The following ZMYM1 variants were observed in gnomAD, a reference collection of about 807,000 sequenced individuals.
The protein encoded by ZMYM1 is zinc finger MYM-type protein 1.
In ZMYM1, 39 loss-of-function variants were observed where a neutral mutation model predicts 60.0. The ratio of observed to expected loss-of-function variants is 0.65; its 90% CI spans 0.50 to 0.85. ZMYM1 has a LOEUF of 0.85. Among genes scored for constraint, ZMYM1 ranks in the 40% least tolerant of loss-of-function variants. ZMYM1 has a pLI of 0.00. For synonymous variants in ZMYM1, 413 were observed against 454.0 expected (o/e 0.91, Z 1.15); for missense variants, 1,171 against 1,309.5 (o/e 0.89, Z 1.63).
Position 35,115,335 on chromosome 1 carries a change from C to T in ZMYM1, c.*76C>T. On this transcript the variant is annotated 3_prime_UTR_variant, in exon 10 of 10. Transcript: ENST00000359858. ...TTTCATTTCAAAATTGTTCAAAATTCAAAAGACACAGAACGATAAACAGTG... is the reference window on the plus strand; with the variant it reads ...TTTCATTTCAAAATTGTTCAAAATTTAAAAGACACAGAACGATAAACAGTG... 6.9e-7 allele frequency: 1 copy of T among 1,447,386 alleles called. No homozygotes were observed. Among genetic ancestry groups the T allele is most frequent in the South Asian group, 1.4e-5 (1 of 69,984 alleles). 89.7% of individuals were successfully genotyped at this position (1,447,386 alleles called of 1,614,324 possible).
At chr1:35,105,435 C>T (rs1295666813) in intron 6 of ZMYM1, among the ~76,000 whole-genome samples, 1 of 150,576 alleles carries the variant, frequency 6.6e-6, no homozygotes, top group Non-Finnish European at 1.5e-5. Flanking sequence ...CCACACCTGA[C>T]CTTATTTATT....
intron 1 of ZMYM1, among the ~76,000 whole-genome samples, chr1:35,068,537 C>T (rs931429745): frequency 2.7e-5 from 4 of 149,980 alleles, no homozygotes; most frequent in African/African-American, 4.9e-5. Context: ...GAAATGCAGA[C>T]GAATATGGCC....
At chr1:35,074,043 C>A (rs1403064979) in intron 1 of ZMYM1, among the ~76,000 whole-genome samples, 3 of 152,174 alleles carry the variant, frequency 2.0e-5, no homozygotes, top group Non-Finnish European at 4.4e-5. Flanking sequence ...CCACCTTAGC[C>A]TCTCAAAGTG....
At chr1:35,087,159 TTTTTGAATTTTGAGTAGAGATGG>T (rs1374916292) in intron 1 of ZMYM1, among the ~76,000 whole-genome samples, 1 of 151,170 alleles carries the variant, frequency 6.6e-6, no homozygotes, top group Non-Finnish European at 1.5e-5. Context: ...CCTGACTAAT[TTTTTGAATTTTGAGTAGAGATGG>T]GGTTTTACCA....
intron 1 of ZMYM1, among the ~76,000 whole-genome samples, chr1:35,068,841 T>C (rs1232091792): frequency 1.3e-5 from 2 of 152,116 alleles, no homozygotes; most frequent in Non-Finnish European, 1.5e-5. Flanking sequence ...TTTTTTTCTT[T>C]TCTTTTCTTT....
rs1644039869 is a variant in ZMYM1 at position 35,110,220 on chromosome 1, G to A, written c.808-74G>A. The A allele has an allele frequency of 8.9e-6, 10 of 1,118,782 alleles. No homozygotes were observed. The East Asian group carries it at 2.9e-4, about 32-fold the overall frequency. The allele number at this position is 1,118,782 out of a possible 1,614,324, so 69.3% of individuals were successfully genotyped here. ...CTTTTTAATATTCCAACTAAAAGCA[G>A]TGGTAATAGGTTCTTCTTCATTAAC... On this transcript the variant is annotated intron_variant, in intron 6 of 9. Coordinates refer to ENST00000359858, the MANE Select transcript of ZMYM1 (RefSeq NM_024772.5).
At chr1:35,081,567 A>G (rs1642389346) in intron 1 of ZMYM1, among the ~76,000 whole-genome samples, 1 of 152,144 alleles carries the variant, frequency 6.6e-6, no homozygotes, top group South Asian at 2.1e-4. Context: ...TCTCTCAGCA[A>G]TGTTTTGTTT....
At chr1:35,088,454 A>ATGTGTG (rs764350525) in intron 1 of ZMYM1, among the ~76,000 whole-genome samples, 42 of 107,240 alleles carry the variant, frequency 3.9e-4, no homozygotes, top group African/African-American at 1.7e-3. Flanking sequence ...ATATATATAT[A>ATGTGTG]TGTGTGTGTG....
Position 35,080,107 on chromosome 1 carries a change from AAATG to A in ZMYM1, c.-75+668_-75+671del, listed in dbSNP as rs552723115. ...GAGCGAGACCCCGTCTCAAAAAAAA[AAATG>A]AAATGTTTGCTGAACCCCAAAAGCA... is the stretch of plus-strand genomic sequence containing the variant. On this transcript the variant is annotated intron_variant, in intron 1 of 9. Coordinates refer to ENST00000359858, the MANE Select transcript of ZMYM1 (RefSeq NM_024772.5). 4.9e-3 allele frequency among the ~76,000 whole-genome samples: 740 copies of A among 151,960 alleles called. 7 individuals carry two copies. Among genetic ancestry groups the A allele is most frequent in the African/African-American group, 0.017 (708 of 41,428 alleles).
chr1:35,117,087 T>A (rs1201635073), downstream of ZMYM1, among the ~76,000 whole-genome samples: 2 of 149,974 alleles, frequency 1.3e-5, no homozygotes, highest in Non-Finnish European at 3.0e-5. Context: ...CGCCTCGGCC[T>A]CCCAAAGTGC....
At chr1:35,064,381 A>G (rs886594705) in intron 1 of ZMYM1, among the ~76,000 whole-genome samples, 3 of 151,854 alleles carry the variant, frequency 2.0e-5, no homozygotes, top group Non-Finnish European at 4.4e-5. Flanking sequence ...ACTCCTCTCA[A>G]AGTAGTTGAT....
chr1:35,072,163 G>A (rs1346268233), intron 1 of ZMYM1, among the ~76,000 whole-genome samples: 1 of 152,100 alleles, frequency 6.6e-6, no homozygotes, highest in African/African-American at 2.4e-5. Context: ...AAATTCAGCA[G>A]TGAAGCCATT....
intron 1 of ZMYM1, among the ~76,000 whole-genome samples, chr1:35,091,674 C>T (rs1450442209): frequency 6.6e-6 from 1 of 150,838 alleles, no homozygotes; most frequent in Non-Finnish European, 1.5e-5. Context: ...GTGAGAGGAT[C>T]ACTTGAGCCC....
intron 1 of ZMYM1, among the ~76,000 whole-genome samples, chr1:35,091,414 C>T (rs112245863): frequency 0.016 from 2,456 of 152,092 alleles, 24 homozygotes; most frequent in Non-Finnish European, 0.026. Flanking sequence ...GGGGTTTCAC[C>T]GTGTTAGCCA....
intron 1 of ZMYM1, among the ~76,000 whole-genome samples, chr1:35,067,256 G>A (rs1180520551): frequency 6.6e-6 from 1 of 152,020 alleles, no homozygotes; most frequent in African/African-American, 2.4e-5. Context: ...TGGAATTACA[G>A]GCATGAGCCA....
chr1:35,103,950 A>G (rs545854685), intron 4 of ZMYM1, among the ~76,000 whole-genome samples: 5 of 152,224 alleles, frequency 3.3e-5, no homozygotes, highest in Admixed American at 2.0e-4. Context: ...TACATCTTCA[A>G]AGTCAGGCAT....
intron 6 of ZMYM1, 104 bp downstream of exon 6, chr1:35,104,873 A>G (rs1643835965): frequency 1.2e-6 from 1 of 866,200 alleles, no homozygotes; most frequent in Non-Finnish European, 1.8e-6. Context: ...AATAATGTCG[A>G]TAAGTTGATG....
intron 1 of ZMYM1, among the ~76,000 whole-genome samples, chr1:35,064,292 C>CAAAA (rs371084383): frequency 4.6e-4 from 25 of 54,466 alleles, no homozygotes; most frequent in South Asian, 1.3e-3. Flanking sequence ...GATCCTGTCT[C>CAAAA]AAAAAAAAAA....
chr1:35,101,937 T>C (rs2148537520), intron 4 of ZMYM1, among the ~76,000 whole-genome samples: 1 of 152,270 alleles, frequency 6.6e-6, no homozygotes, highest in South Asian at 2.1e-4. Flanking sequence ...CCCAAAGAGC[T>C]TTAGTTATGT....
Sources: allele counts gnomAD v4.1 joint callset (sites outside exome capture counted in the v4.1 genomes callset), GRCh38; gene constraint gnomAD v4.1.1; transcripts MANE v1.5; gene names NCBI Gene and HGNC (gene_info 2026-07-23, HGNC 2026-07-21).